Variants in BAIAP2L1 observed in about 807,000 individuals in gnomAD.
BAIAP2L1 encodes the protein BAR/IMD domain-containing adapter protein 2-like 1.
In BAIAP2L1, 35 loss-of-function variants were observed where a neutral mutation model predicts 66.3. The observed-to-expected ratio is 0.53, with a 90% CI of 0.40 to 0.70. The LOEUF is 0.70. Ranked by LOEUF, BAIAP2L1 falls within the 30% of genes least tolerant of loss-of-function variation. BAIAP2L1 has a pLI of 0.00. For missense variants in BAIAP2L1, 622 were observed against 656.9 expected, an observed-to-expected ratio of 0.95 and a Z score of 0.58; for synonymous variants, 269 against 248.7, an observed-to-expected ratio of 1.08 and a Z score of -0.77.
intron 1 of BAIAP2L1, among the ~76,000 whole-genome samples, chr7:98,374,285 G>C (rs1802573240): frequency 6.6e-6 from 1 of 151,986 alleles, no homozygotes; most frequent in African/African-American, 2.4e-5. Context: ...TCCATTTGAG[G>C]CACATTTTAA....
At chr7:98,380,655 A>C (rs1432263325) in intron 1 of BAIAP2L1, among the ~76,000 whole-genome samples, 1 of 150,368 alleles carries the variant, frequency 6.7e-6, no homozygotes, top group Non-Finnish European at 1.5e-5. Flanking sequence ...CTGGTTTCAG[A>C]CTCTTGGCCT....
chr7:98,313,962 C>T (rs1401412535), intron 7 of BAIAP2L1, among the ~76,000 whole-genome samples: 1 of 145,322 alleles, frequency 6.9e-6, no homozygotes, highest in Non-Finnish European at 1.5e-5. Context: ...ATTTAGGGAG[C>T]TGAATACTCC....
intron 3 of BAIAP2L1, among the ~76,000 whole-genome samples, chr7:98,342,030 A>T (rs1231271528): frequency 1.4e-5 from 2 of 145,124 alleles, no homozygotes; most frequent in African/African-American, 5.1e-5. Flanking sequence ...TGTTTCAGAA[A>T]TTTTTTTCTG....
chr7:98,379,269 G>A lies in BAIAP2L1; in HGVS notation c.52-16837C>T, dbSNP rs1802704594. ...TGATTAATGCCTCACAGTGTTCTCA[G>A]CAGCAGCAGGTTCTGACACCTGTAT... On this transcript the variant is annotated intron_variant, in intron 1 of 13. Coordinates refer to ENST00000005260, the MANE Select transcript of BAIAP2L1 (RefSeq NM_018842.5). Among the ~76,000 whole-genome samples, 7 of 152,228 alleles carry A rather than the reference G, an allele frequency of 4.6e-5. No individual in the cohort carries two copies. In the South Asian group the frequency reaches 1.5e-3, roughly 32 times the overall value.
intron 12 of BAIAP2L1, among the ~76,000 whole-genome samples, chr7:98,295,917 CCACT>C (rs1562962179): frequency 6.6e-6 from 1 of 152,318 alleles, no homozygotes; most frequent in Admixed American, 6.5e-5. Context: ...CAGCTGGAAG[CCACT>C]CAGTGTTGGG....
chr7:98,304,457 GGAC>G, intron 11 of BAIAP2L1, 81 bp from the exon 12 acceptor site: 1 of 1,406,824 alleles, frequency 7.1e-7, no homozygotes, highest in Non-Finnish European at 9.9e-7. Context: ...CCCTGACCAA[GGAC>G]AACAGTAATA....
chr7:98,390,930 C>A (rs933707077), intron 1 of BAIAP2L1, among the ~76,000 whole-genome samples: 1 of 151,758 alleles, frequency 6.6e-6, no homozygotes. Context: ...TTTGCCTCCC[C>A]GGTTCAAGCG....
chr7:98,331,484 T>TTG (rs1554415348), intron 3 of BAIAP2L1, among the ~76,000 whole-genome samples: 6 of 142,918 alleles, frequency 4.2e-5, no homozygotes, highest in African/African-American at 1.3e-4. Context: ...TTTTTTTTTT[T>TTG]GGAGACAGAC....
intron 1 of BAIAP2L1, among the ~76,000 whole-genome samples, chr7:98,363,036 T>C (rs73141655): frequency 0.025 from 1,654 of 65,480 alleles, 54 homozygotes; most frequent in Non-Finnish European, 0.045. Flanking sequence ...TCTTTTTTTT[T>C]TTTTTTTTTT....
At chr7:98,386,693 G>GTTTTTTTTTTTTTTTTTTTTTTTT (rs71112150) in intron 1 of BAIAP2L1, 1 of 155,918 alleles carries the variant, frequency 6.4e-6, no homozygotes, top group Non-Finnish European at 1.1e-5. Context: ...CTTTCCAAAG[G>GTTTTTTTTTTTTTTTTTTTTTTTT]TTTTTTTTTT....
At position 98,315,566 on chromosome 7, in the gene BAIAP2L1, A is replaced by G. The variant is rs767945388; in HGVS notation, c.533T>C (p.Ile178Thr). 3 of 1,493,158 alleles carry G rather than the reference A, an allele frequency of 2.0e-6. No individual in the cohort carries two copies. Among genetic ancestry groups the G allele is most frequent in the South Asian group, 1.4e-5 (1 of 71,624 alleles). The allele number at this position is 1,493,158 out of a possible 1,614,324, so 92.5% of individuals were successfully genotyped here. Residue 178 changes from isoleucine (I) to threonine (T), a missense_variant, in exon 7 of 14, where the codon ATT (isoleucine) becomes ACT (threonine). Coordinates refer to ENST00000005260, the MANE Select transcript of BAIAP2L1 (RefSeq NM_018842.5). ...TSRQSEIQKF[I>T]ADGCKEALLE... The stretch of plus-strand genomic sequence containing the variant: ...CAGAGCCTCTTTGCAACCATCTGCA[A>G]TGAATTTCTGGATTTCACTCTGACG...
intron 1 of BAIAP2L1, among the ~76,000 whole-genome samples, chr7:98,393,107 A>G (rs1428462087): frequency 2.3e-5 from 2 of 88,644 alleles, no homozygotes; most frequent in Admixed American, 2.2e-4. Flanking sequence ...ACGTGTACAT[A>G]TATGTACACA....
Position 98,307,816 on chromosome 7 carries a change from T to C in BAIAP2L1, c.1036A>G (p.Thr346Ala), listed in dbSNP as rs1800717572. The C allele has an allele frequency of 8.7e-6, 14 of 1,614,232 alleles. No individual in the cohort carries two copies. Among genetic ancestry groups the C allele is most frequent in the Non-Finnish European group, 1.2e-5 (14 of 1,180,042 alleles). Reference protein sequence around the residue: ...LNMMKKQKVKTIFPHTAGSNK... With the variant: ...LNMMKKQKVKAIFPHTAGSNK... The stretch of plus-strand genomic sequence containing the variant: ...GAGCCCGCAGTGTGCGGGAAGATGG[T>C]CTTCACTTTCTGCTTCTTCATCATG... Residue 346 changes from threonine (T) to alanine (A), a missense_variant, in exon 10 of 14, where the codon ACC becomes GCC. Transcript: ENST00000005260.
At chr7:98,369,566 A>G (rs1171889027) in intron 1 of BAIAP2L1, among the ~76,000 whole-genome samples, 1 of 152,124 alleles carries the variant, frequency 6.6e-6, no homozygotes, top group African/African-American at 2.4e-5. Context: ...CCTGCCCAAT[A>G]ACATATGAGC....
chr7:98,369,198 C>T (rs991302219), intron 1 of BAIAP2L1, among the ~76,000 whole-genome samples: 9 of 152,064 alleles, frequency 5.9e-5, no homozygotes, highest in African/African-American at 2.2e-4. Flanking sequence ...AAAATTATTA[C>T]AGGCCATGCG....
chr7:98,390,379 A>G (rs1337412349), intron 1 of BAIAP2L1, among the ~76,000 whole-genome samples: 5 of 152,138 alleles, frequency 3.3e-5, no homozygotes, highest in Non-Finnish European at 7.4e-5. Context: ...AAAACGGAAT[A>G]TATATATTTA....
At chr7:98,394,101 G>C (rs1461008814) in intron 1 of BAIAP2L1, among the ~76,000 whole-genome samples, 3 of 152,024 alleles carry the variant, frequency 2.0e-5, no homozygotes, top group African/African-American at 7.2e-5. Flanking sequence ...AAATTAGCCG[G>C]GCGTGGTGGC....
At position 98,304,513 on chromosome 7, in the gene BAIAP2L1, GAC is replaced by G. The variant is rs1800557684; in HGVS notation, c.1242-139_1242-138del. On this transcript the variant is annotated intron_variant, in intron 11 of 13. Transcript: ENST00000005260. ...ACCTGATCTTGATCTCACACACACA[GAC>G]ACACACAGTACATATATCAATACAA... 1.6e-5 allele frequency: 14 copies of G among 861,916 alleles called. No homozygotes were observed. The South Asian group carries it at 2.1e-4, about 13-fold the overall frequency. The allele number at this position is 861,916 out of a possible 1,614,324, so 53.4% of individuals were successfully genotyped here. A position where few individuals can be genotyped will look rare whatever the true frequency, so the allele number is the denominator to read the frequency against.
At chr7:98,340,186 G>A (rs1384979738) in intron 3 of BAIAP2L1, among the ~76,000 whole-genome samples, 2 of 152,222 alleles carry the variant, frequency 1.3e-5, no homozygotes, top group Non-Finnish European at 2.9e-5. Context: ...AGGAAATGAC[G>A]TTTCAGGTTG....
Sources: gnomAD v4.1 joint callset for allele counts (sites outside exome capture counted in the v4.1 genomes callset) on GRCh38, gnomAD v4.1.1 for gene constraint, MANE v1.5 for transcripts, NCBI Gene and HGNC (gene_info 2026-07-23, HGNC 2026-07-21) for gene names.